The following CTNND2 variants were observed in gnomAD, a reference collection of about 807,000 sequenced individuals.
CTNND2 encodes catenin delta-2.
In CTNND2, 22 loss-of-function variants were observed where a neutral mutation model predicts 144.4. The observed-to-expected ratio is 0.15, with a 90% CI of 0.11 to 0.22. The LOEUF (loss-of-function observed/expected upper bound fraction) is 0.22. Among genes scored for constraint, CTNND2 ranks in the 10% least tolerant of loss-of-function variants. CTNND2 has a pLI of 1.00. For synonymous variants in CTNND2, 751 were observed against 695.6 expected (o/e 1.08, Z -1.25); for missense variants, 1,353 against 1,618.8 (o/e 0.84, Z 2.82).
chr5:11,481,062 C>T (rs962155633), intron 3 of CTNND2, among the ~76,000 whole-genome samples: 4 of 152,000 alleles, frequency 2.6e-5, no homozygotes, highest in African/African-American at 9.7e-5. Flanking sequence ...ATATAAAGCC[C>T]CACATAGTCC....
chr5:11,658,332 T>C (rs1477693821), intron 2 of CTNND2, among the ~76,000 whole-genome samples: 1 of 152,064 alleles, frequency 6.6e-6, no homozygotes, highest in Non-Finnish European at 1.5e-5. Context: ...AAAATATAAT[T>C]GCTAGCAGGT....
At chr5:11,762,479 A>G (rs1789323097) in intron 1 of CTNND2, among the ~76,000 whole-genome samples, 1 of 152,202 alleles carries the variant, frequency 6.6e-6, no homozygotes, top group African/African-American at 2.4e-5. Context: ...CATATGAAAC[A>G]CTTGCTTATC....
intron 3 of CTNND2, among the ~76,000 whole-genome samples, chr5:11,431,122 G>A (rs982855577): frequency 1.3e-5 from 2 of 152,142 alleles, no homozygotes; most frequent in Non-Finnish European, 2.9e-5. Context: ...TTTAGTAGAG[G>A]ATTTTTATGG....
At chr5:11,857,100 G>T (rs1038380105) in intron 1 of CTNND2, among the ~76,000 whole-genome samples, 3 of 152,062 alleles carry the variant, frequency 2.0e-5, no homozygotes, top group Admixed American at 6.5e-5. Flanking sequence ...CTGACATCAG[G>T]ATTAGATTCC....
intron 9 of CTNND2, among the ~76,000 whole-genome samples, chr5:11,274,789 ATTGTTGTTG>A (rs1183154226): frequency 2.6e-5 from 4 of 152,196 alleles, no homozygotes; most frequent in Non-Finnish European, 5.9e-5. Flanking sequence ...TATTGTTGTT[ATTGTTGTTG>A]TTGGAACAAA....
chr5:11,438,587 T>C (rs1763978123), intron 3 of CTNND2, among the ~76,000 whole-genome samples: 1 of 152,214 alleles, frequency 6.6e-6, no homozygotes, highest in Admixed American at 6.5e-5. Context: ...ATTTAAAGAA[T>C]GTAAGAAGCA....
chr5:11,755,604 C>G (rs185652367), intron 1 of CTNND2, among the ~76,000 whole-genome samples: 264 of 150,098 alleles, frequency 1.8e-3, no homozygotes, highest in African/African-American at 6.2e-3. Flanking sequence ...GGTCTCTTTA[C>G]ATAATCCCAT....
intron 13 of CTNND2, among the ~76,000 whole-genome samples, chr5:11,111,995 C>T (rs796105012): frequency 6.6e-6 from 1 of 151,930 alleles, no homozygotes; most frequent in South Asian, 2.1e-4. Flanking sequence ...TACAGGCACC[C>T]GCCACTACGC....
chr5:11,564,857 A>G, intron 3 of CTNND2, 87 bp downstream of exon 3: 1 of 850,836 alleles, frequency 1.2e-6, no homozygotes, highest in Non-Finnish European at 1.9e-6. Flanking sequence ...TTCCAATTCC[A>G]CCACCGGGTT....
chr5:11,124,952 C>G (rs1754526039), intron 12 of CTNND2, among the ~76,000 whole-genome samples: 1 of 152,168 alleles, frequency 6.6e-6, no homozygotes, highest in African/African-American at 2.4e-5. Context: ...CGCTGCTCTC[C>G]TAAATCTAGA....
intron 8 of CTNND2, among the ~76,000 whole-genome samples, chr5:11,362,773 A>G (rs1756596343): frequency 6.6e-6 from 1 of 152,236 alleles, no homozygotes; most frequent in Admixed American, 6.5e-5. Context: ...GCGGTAGGAA[A>G]AAAACACTTG....
chr5:11,028,728 A>G (rs539020622), intron 16 of CTNND2, among the ~76,000 whole-genome samples: 1 of 152,150 alleles, frequency 6.6e-6, no homozygotes, highest in South Asian at 2.1e-4. Flanking sequence ...CTTTTTTTCC[A>G]AGCAGGGTCT....
intron 11 of CTNND2, among the ~76,000 whole-genome samples, chr5:11,171,048 G>A (rs1416595351): frequency 1.3e-5 from 2 of 152,136 alleles, no homozygotes; most frequent in African/African-American, 2.4e-5. Flanking sequence ...ATGACATGTG[G>A]GGATTCTGGG....
chr5:11,542,553 C>T lies in CTNND2; in HGVS notation c.287+22391G>A, dbSNP rs567468926. Among the ~76,000 whole-genome samples, 249 of 152,254 alleles carry T rather than the reference C, an allele frequency of 1.6e-3. 2 individuals are homozygous for T. Among genetic ancestry groups the T allele is most frequent in the African/African-American group, 5.9e-3 (245 of 41,564 alleles). ...TACCATTTAAAAATATGTTCCCATA[C>T]ATTCCTATTTAAATAATGAGAAGGT... On this transcript the variant is annotated intron_variant, in intron 3 of 21. Coordinates refer to ENST00000304623, the MANE Select transcript of CTNND2 (RefSeq NM_001332.4).
intron 12 of CTNND2, among the ~76,000 whole-genome samples, chr5:11,128,289 C>A (rs1754884055): frequency 1.3e-5 from 2 of 152,092 alleles, no homozygotes; most frequent in Non-Finnish European, 1.5e-5. Flanking sequence ...CAGCTCTCAA[C>A]TGGCCACCAC....
chr5:11,280,093 C>T (rs1406157541), intron 9 of CTNND2, among the ~76,000 whole-genome samples: 2 of 152,154 alleles, frequency 1.3e-5, no homozygotes, highest in Non-Finnish European at 2.9e-5. Flanking sequence ...CCCAGCCACA[C>T]TGAATTTTAA....
At chr5:11,192,343 C>T (rs185891094) in intron 11 of CTNND2, among the ~76,000 whole-genome samples, 2,179 of 152,312 alleles carry the variant, frequency 0.014, 50 homozygotes, top group Admixed American at 0.049. Context: ...CATGTGCTCA[C>T]TTCCCTCAGA....
chr5:11,671,204 T>C (rs953422332), intron 2 of CTNND2, among the ~76,000 whole-genome samples: 3 of 152,206 alleles, frequency 2.0e-5, no homozygotes, highest in Non-Finnish European at 4.4e-5. Flanking sequence ...TGGCTGCCCT[T>C]AACATTTTTT....
At chr5:11,371,965 T>C (rs1581039948) in intron 7 of CTNND2, among the ~76,000 whole-genome samples, 1 of 152,286 alleles carries the variant, frequency 6.6e-6, no homozygotes, top group Admixed American at 6.5e-5. Flanking sequence ...CCCTCCTATT[T>C]CATCATATTT....
Sources: allele counts gnomAD v4.1 joint callset (sites outside exome capture counted in the v4.1 genomes callset), GRCh38; gene constraint gnomAD v4.1.1; transcripts MANE v1.5; gene names NCBI Gene and HGNC (gene_info 2026-07-23, HGNC 2026-07-21).